The following ATP2A2 variants were observed in gnomAD, a reference collection of about 807,000 sequenced individuals.
ATP2A2 encodes the protein ATPase sarcoplasmic/endoplasmic reticulum Ca2+ transporting 2.
In ATP2A2, 14 loss-of-function variants were observed where a neutral mutation model predicts 109.3. The observed-to-expected ratio is 0.13, with a 90% CI of 0.08 to 0.20. The LOEUF is 0.20. Ranked by LOEUF, ATP2A2 falls within the 10% of genes least tolerant of loss-of-function variation. The pLI, the probability that ATP2A2 is intolerant of heterozygous loss-of-function variation, is 1.00. For synonymous variants in ATP2A2, 506 were observed against 490.9 expected (o/e 1.03, Z -0.41); for missense variants, 657 against 1,321.6 (o/e 0.50, Z 7.80).
Position 110,340,593 on chromosome 12 carries a change from T to C in ATP2A2, c.1762-66T>C. The C allele has an allele frequency of 6.5e-7, 1 of 1,544,116 alleles. No homozygotes were observed. The highest frequency in any genetic ancestry group is 8.9e-7 in the Non-Finnish European group (1 of 1,123,458). ...ACCTGTCTCAATGTTTAACTGGGCA[T>C]TTTTCAAACTAGGGGACAAAAACTA... is the stretch of plus-strand genomic sequence containing the variant. On this transcript the variant is annotated intron_variant, in intron 13 of 19. Transcript: ENST00000539276. The surrounding 1 kb of genome is among the most constrained non-coding windows in gnomAD (Gnocchi z 6.0).
At chr12:110,304,836 A>G (rs956142280) in intron 5 of ATP2A2, among the ~76,000 whole-genome samples, 2 of 152,190 alleles carry the variant, frequency 1.3e-5, no homozygotes, top group Non-Finnish European at 2.9e-5. Context: ...GAAGGTCACA[A>G]AGACTTTATA....
chr12:110,342,121 C>A lies in ATP2A2; in HGVS notation c.2098-107C>A. The A allele has an allele frequency of 1.6e-6, 2 of 1,275,136 alleles. No individual in the cohort carries two copies. The highest frequency in any genetic ancestry group is 2.3e-6 in the Non-Finnish European group (2 of 877,172). The allele number at this position is 1,275,136 out of a possible 1,614,324, so 79.0% of individuals were successfully genotyped here. A position where few individuals can be genotyped will look rare whatever the true frequency, so the allele number is the denominator to read the frequency against. ...ATTCTAAAACTCTTTGCCAAGAGACCTACGGCTCTATTCATTTTCCTCCTG... is the reference window on the plus strand; with the variant it reads ...ATTCTAAAACTCTTTGCCAAGAGACATACGGCTCTATTCATTTTCCTCCTG... On this transcript the variant is annotated intron_variant, in intron 14 of 19. Coordinates refer to ENST00000539276, the MANE Select transcript of ATP2A2 (RefSeq NM_170665.4). The surrounding 1 kb of genome is among the most constrained non-coding windows in gnomAD (Gnocchi z 4.6).
chr12:110,331,485 G>A (rs945349631), intron 8 of ATP2A2: 2 of 151,996 alleles, frequency 1.3e-5, no homozygotes, highest in African/African-American at 4.8e-5. Context: ...GATTACAGGT[G>A]CCCACCACCA....
intron 3 of ATP2A2, among the ~76,000 whole-genome samples, chr12:110,284,283 C>T (rs552089520): frequency 6.6e-6 from 1 of 152,250 alleles, no homozygotes; most frequent in East Asian, 1.9e-4. Context: ...ATAAATGATA[C>T]ATTTGGAGCT....
At chr12:110,334,586 C>G (rs1360238433) in intron 11 of ATP2A2, among the ~76,000 whole-genome samples, 1 of 114,538 alleles carries the variant, frequency 8.7e-6, no homozygotes, top group South Asian at 3.1e-4. Flanking sequence ...TCAATTAAAC[C>G]TTTTTTTTTT....
At chr12:110,343,030 G>A (rs1879503105) in intron 15 of ATP2A2, among the ~76,000 whole-genome samples, 2 of 152,176 alleles carry the variant, frequency 1.3e-5, no homozygotes, top group Non-Finnish European at 2.9e-5. Flanking sequence ...ATAAGCCACC[G>A]CACCTGGCCT....
chr12:110,286,844 T>A (rs1285877990), intron 3 of ATP2A2, among the ~76,000 whole-genome samples: 1 of 152,226 alleles, frequency 6.6e-6, no homozygotes, highest in Non-Finnish European at 1.5e-5. Flanking sequence ...TCGTTTTCTT[T>A]TTATGATACT....
At chr12:110,297,268 C>T (rs947226347) in intron 5 of ATP2A2, among the ~76,000 whole-genome samples, 1 of 151,908 alleles carries the variant, frequency 6.6e-6, no homozygotes, top group African/African-American at 2.4e-5. Flanking sequence ...AACCTCATCT[C>T]TACTAAAAAT....
chr12:110,281,762 A>C lies in ATP2A2; in HGVS notation c.-28A>C. The stretch of plus-strand genomic sequence containing the variant: ...GAGGCGAGGAGGCCGCGGGGACGGG[A>C]GGCGAGGCCGGCCGGGCCCCCGAAG... On this transcript the variant is annotated 5_prime_UTR_variant, in exon 1 of 20. Coordinates refer to ENST00000539276, the MANE Select transcript of ATP2A2 (RefSeq NM_170665.4). The C allele has an allele frequency of 6.9e-7, 1 of 1,448,832 alleles. No homozygotes were observed. The highest frequency in any genetic ancestry group is 9.2e-7 in the Non-Finnish European group (1 of 1,088,234). 89.7% of individuals were successfully genotyped at this position (1,448,832 alleles called of 1,614,324 possible). A position where few individuals can be genotyped will look rare whatever the true frequency, so the allele number is the denominator to read the frequency against.
At chr12:110,333,026 A>G (rs564180830) in intron 9 of ATP2A2, among the ~76,000 whole-genome samples, 155 bp from the exon 10 acceptor site, 18 of 151,770 alleles carry the variant, frequency 1.2e-4, no homozygotes, top group African/African-American at 3.9e-4. Flanking sequence ...TTTTTGTCTA[A>G]TATTGGCTCT....
intron 8 of ATP2A2, 150 bp downstream of exon 8, chr12:110,328,167 G>A: frequency 1.2e-6 from 1 of 814,790 alleles, no homozygotes; most frequent in Non-Finnish European, 1.9e-6. Context: ...TATTTGAGAG[G>A]ATCTAATCAT....
chr12:110,324,419 A>T lies in ATP2A2; in HGVS notation c.544+1347A>T, dbSNP rs1002016554. Reference sequence around the variant, plus strand: ...TGCCCTAAAGACGTAGTTGCCATTTAAAAAAAATTTTTTTTTTTTTGAGGC... The same window carrying T: ...TGCCCTAAAGACGTAGTTGCCATTTTAAAAAAATTTTTTTTTTTTTGAGGC... On this transcript the variant is annotated intron_variant, in intron 6 of 19. Transcript: ENST00000539276. Among the ~76,000 whole-genome samples, 8 of 152,142 alleles carry T rather than the reference A, an allele frequency of 5.3e-5. No individual in the cohort carries two copies. The East Asian group carries it at 9.6e-4, about 18-fold the overall frequency.
intron 10 of ATP2A2, 51 bp downstream of exon 10, chr12:110,333,334 G>T: frequency 6.6e-7 from 1 of 1,505,502 alleles, no homozygotes. Flanking sequence ...TTCAAGGGTG[G>T]GGTGGGTGGA....
chr12:110,310,017 A>G (rs1224392692), intron 5 of ATP2A2, among the ~76,000 whole-genome samples: 2 of 152,336 alleles, frequency 1.3e-5, no homozygotes, highest in South Asian at 4.1e-4. Context: ...GATGGAAACC[A>G]AAAGTAGTGA....
At chr12:110,330,579 G>A (rs1380101455) in intron 8 of ATP2A2, 1 of 149,126 alleles carries the variant, frequency 6.7e-6, no homozygotes, top group Non-Finnish European at 1.5e-5. Context: ...AGTAAGCCAT[G>A]TGTAAAGCCA....
intron 3 of ATP2A2, among the ~76,000 whole-genome samples, chr12:110,283,319 G>A (rs985024151): frequency 2.6e-5 from 4 of 152,138 alleles, no homozygotes; most frequent in African/African-American, 9.7e-5. Context: ...CTTTAGGGTG[G>A]TATATTTATC....
chr12:110,298,053 A>T (rs1022827035), intron 5 of ATP2A2, among the ~76,000 whole-genome samples: 1 of 152,172 alleles, frequency 6.6e-6, no homozygotes. Flanking sequence ...TGAGTTAAGT[A>T]TACTATTTAC....
intron 4 of ATP2A2, 58 bp downstream of exon 4, chr12:110,292,182 G>A (rs1873389477): frequency 8.2e-7 from 1 of 1,224,200 alleles, no homozygotes; most frequent in Non-Finnish European, 1.2e-6. Flanking sequence ...GATTAGGGCT[G>A]TATTAATCTT....
At position 110,342,181 on chromosome 12, in the gene ATP2A2, A is replaced by G. The variant is rs747807784; in HGVS notation, c.2098-47A>G. 2.5e-6 allele frequency: 4 copies of G among 1,605,566 alleles called. No homozygotes were observed. The highest frequency in any genetic ancestry group is 3.4e-6 in the Non-Finnish European group (4 of 1,172,212). On this transcript the variant is annotated intron_variant, in intron 14 of 19. Coordinates refer to ENST00000539276, the MANE Select transcript of ATP2A2 (RefSeq NM_170665.4). This position sits in a 1 kb window ranked among gnomAD's most constrained non-coding sequence, Gnocchi z 4.6. ...CAGTGGGCTTTTGCCTAGGGGTATG[A>G]ATGTGGCATGCCAGTTGGCTGACCC... is the stretch of plus-strand genomic sequence containing the variant.
Sources: allele counts gnomAD v4.1 joint callset (sites outside exome capture counted in the v4.1 genomes callset), GRCh38; gene constraint gnomAD v4.1.1; non-coding constraint Gnocchi (gnomAD v3.1); transcripts MANE v1.5; gene names NCBI Gene and HGNC (gene_info 2026-07-23, HGNC 2026-07-21).